The following CLTC variants were observed in gnomAD, a reference collection of about 807,000 sequenced individuals.
CLTC encodes clathrin heavy chain.
In CLTC, 16 loss-of-function variants were observed where a neutral mutation model predicts 195.8. That is an observed-to-expected ratio of 0.08 (90% CI 0.06 to 0.12). The LOEUF is 0.12. Ranked by LOEUF, CLTC falls within the 10% of genes least tolerant of loss-of-function variation. The pLI, the probability that CLTC is intolerant of heterozygous loss-of-function variation, is 1.00. For missense variants in CLTC, 796 were observed against 2,027.0 expected (o/e 0.39, Z 11.66); for synonymous variants, 667 against 689.4 (o/e 0.97, Z 0.51).
At chr17:59,641,099 CAG>C (rs1459776943) in intron 1 of CLTC, among the ~76,000 whole-genome samples, 1 of 140,578 alleles carries the variant, frequency 7.1e-6, no homozygotes, top group African/African-American at 2.5e-5. Flanking sequence ...AGCCTGGTGA[CAG>C]AGCGAGACTC....
chr17:59,694,103 C>A lies in CLTC; in HGVS notation c.*251C>A, dbSNP rs1381489864. ...TTTATTCACTTGGGCTTTTTTTCTT[C>A]CCCCTCTTTCTTTAAAGAACTGCTC... On this transcript the variant is annotated 3_prime_UTR_variant, in exon 32 of 32. Coordinates refer to ENST00000269122, the MANE Select transcript of CLTC (RefSeq NM_004859.4). The A allele has an allele frequency of 5.5e-5, 17 of 308,886 alleles. No individual in the cohort carries two copies. The East Asian group carries it at 9.2e-4, about 17-fold the overall frequency. 19.1% of individuals were successfully genotyped at this position (308,886 alleles called of 1,614,324 possible).
Position 59,655,838 on chromosome 17 carries a change from G to T in CLTC, c.796-16G>T. 1 of 1,512,126 alleles carries T rather than the reference G, an allele frequency of 6.6e-7. No individual in the cohort carries two copies. Among genetic ancestry groups the T allele is most frequent in the South Asian group, 1.4e-5 (1 of 72,706 alleles). 93.7% of individuals were successfully genotyped at this position (1,512,126 alleles called of 1,614,324 possible). ...AGATTCATTATTTTACTAAAGTGTT[G>T]ATTTTCTTTCTGTAGATCAGTGAAA... On this transcript the variant is annotated splice_polypyrimidine_tract_variant and intron_variant, in intron 5 of 31. Coordinates refer to ENST00000269122, the MANE Select transcript of CLTC (RefSeq NM_004859.4).
At chr17:59,650,550 C>T (rs1481447178) in intron 4 of CLTC, among the ~76,000 whole-genome samples, 10 of 147,052 alleles carry the variant, frequency 6.8e-5, no homozygotes, top group East Asian at 4.0e-4. Flanking sequence ...TGCAGTGGCA[C>T]GATCCCGGTT....
intron 14 of CLTC, among the ~76,000 whole-genome samples, chr17:59,672,415 G>A (rs532481747): frequency 1.1e-4 from 16 of 148,240 alleles, no homozygotes; most frequent in African/African-American, 3.9e-4. Flanking sequence ...TATTTTATAT[G>A]TGTATAGGTA....
intron 14 of CLTC, among the ~76,000 whole-genome samples, chr17:59,670,274 TG>T (rs1364309090): frequency 1.0e-4 from 6 of 57,408 alleles, no homozygotes; most frequent in Non-Finnish European, 2.5e-4. Context: ...CAGGGGGTGT[TG>T]GGTTTTTTTT....
At chr17:59,663,065 TAATC>T (rs1461965834) in intron 8 of CLTC, among the ~76,000 whole-genome samples, 1 of 152,226 alleles carries the variant, frequency 6.6e-6, no homozygotes, top group Non-Finnish European at 1.5e-5. Flanking sequence ...AAAGAGACAT[TAATC>T]AACTATTCAT....
rs1482891428 is a variant in CLTC, at chr17:59,680,901, A to G, written c.2920-11A>G. The G allele has an allele frequency of 2.5e-6, 4 of 1,600,210 alleles. No individual in the cohort carries two copies. Among genetic ancestry groups the G allele is most frequent in the Non-Finnish European group, 2.6e-6 (3 of 1,174,152 alleles). On this transcript the variant is annotated splice_polypyrimidine_tract_variant and intron_variant, in intron 18 of 31. Transcript: ENST00000269122. The stretch of plus-strand genomic sequence containing the variant: ...GATTCTCAGTACTTATGTCCCATAT[A>G]TCCTCTGTAGGTTGTACAAACAGCT...
At chr17:59,658,833 G>A (rs2032539551) in intron 6 of CLTC, 1 of 152,118 alleles carries the variant, frequency 6.6e-6, no homozygotes, top group African/African-American at 2.4e-5. Context: ...TTGGGGCTCA[G>A]GAATGCAAAT....
intron 1 of CLTC, among the ~76,000 whole-genome samples, chr17:59,638,419 C>G (rs966358013): frequency 6.6e-6 from 1 of 152,156 alleles, no homozygotes; most frequent in African/African-American, 2.4e-5. Context: ...CTTCACACCT[C>G]TGAGATAGAT....
chr17:59,674,627 G>A, intron 15 of CLTC, 74 bp from the exon 16 acceptor site: 1 of 1,359,692 alleles, frequency 7.4e-7, no homozygotes, highest in East Asian at 2.5e-5. Flanking sequence ...AAGCGATAGA[G>A]ATAAATGCTT....
intron 1 of CLTC, among the ~76,000 whole-genome samples, chr17:59,637,638 G>C (rs2031906518): frequency 6.8e-6 from 1 of 147,926 alleles, no homozygotes; most frequent in African/African-American, 2.5e-5. Context: ...TGAGGTGGGA[G>C]GATCCCTTAA....
chr17:59,620,292 G>T (rs2031327083), intron 1 of CLTC, 119 bp downstream of exon 1: 1 of 963,468 alleles, frequency 1.0e-6, no homozygotes, highest in Non-Finnish European at 1.7e-6. Context: ...GTCGGTGATT[G>T]GGGTAGGTGG....
At chr17:59,641,603 C>CAAAAAAAAAA (rs34208843) in intron 1 of CLTC, among the ~76,000 whole-genome samples, 2 of 48,848 alleles carry the variant, frequency 4.1e-5, no homozygotes, top group African/African-American at 9.1e-5. Context: ...GACTCCATCT[C>CAAAAAAAAAA]AAAAAAAAAA....
rs2143561523 is a variant in CLTC at position 59,668,947 on chromosome 17, G to A, written c.2292+7G>A. 2 of 1,604,052 alleles carry A rather than the reference G, an allele frequency of 1.2e-6. No individual in the cohort carries two copies. Among genetic ancestry groups the A allele is most frequent in the African/African-American group, 1.3e-5 (1 of 74,444 alleles). On this transcript the variant is annotated splice_region_variant and intron_variant, in intron 14 of 31. Coordinates refer to ENST00000269122, the MANE Select transcript of CLTC (RefSeq NM_004859.4). The stretch of plus-strand genomic sequence containing the variant: ...AGTCAAGAATTTTCTTAAGGTAAGT[G>A]GTTTTGAGTAATGTGTTTTCTGGTT...
chr17:59,683,075 T>A lies in CLTC; in HGVS notation c.3874-20T>A. 6.2e-7 allele frequency: 1 copy of A among 1,614,038 alleles called. No individual in the cohort carries two copies. Among genetic ancestry groups the A allele is most frequent in the Non-Finnish European group, 8.5e-7 (1 of 1,179,922 alleles). On this transcript the variant is annotated intron_variant, in intron 24 of 31. Coordinates refer to ENST00000269122, the MANE Select transcript of CLTC (RefSeq NM_004859.4). The surrounding 1 kb of genome is among the most constrained non-coding windows in gnomAD (Gnocchi z 6.1). ...TACCATAGATATTCTTATCTTTAAC[T>A]GCACATTTCTCTTGTTCAGGATCGT...
chr17:59,679,599 T>C, intron 18 of CLTC, 80 bp downstream of exon 18: 1 of 1,284,190 alleles, frequency 7.8e-7, no homozygotes, highest in South Asian at 1.9e-5. Flanking sequence ...TCCCTCATCA[T>C]GTACTCAAAT....
intron 14 of CLTC, among the ~76,000 whole-genome samples, chr17:59,671,959 G>A (rs1261713056): frequency 6.6e-6 from 1 of 152,110 alleles, no homozygotes; most frequent in Non-Finnish European, 1.5e-5. Flanking sequence ...CCACTAGAAT[G>A]TAAGTTCCTT....
intron 1 of CLTC, among the ~76,000 whole-genome samples, chr17:59,623,705 G>T (rs1253552183): frequency 1.3e-5 from 2 of 152,016 alleles, no homozygotes; most frequent in African/African-American, 4.8e-5. Context: ...ATTTAACAAG[G>T]TGTTTTCCCT....
In CLTC at chr17:59,666,083, T is replaced by C. The variant is rs746209473; in HGVS notation, c.1645-20T>C. The C allele has an allele frequency of 2.5e-6, 4 of 1,574,594 alleles. No individual in the cohort carries two copies. The South Asian group carries it at 4.5e-5, about 18-fold the overall frequency. On this transcript the variant is annotated intron_variant, in intron 10 of 31. Transcript: ENST00000269122. The surrounding 1 kb of genome is among the most constrained non-coding windows in gnomAD (Gnocchi z 4.9). ...CTCCATAGTATCTTAAAACAATTTC[T>C]TTTAAATCTTTTTTTGTAGATTGTA... is the stretch of plus-strand genomic sequence containing the variant.
Sources: gnomAD v4.1 joint callset for allele counts (sites outside exome capture counted in the v4.1 genomes callset) on GRCh38, gnomAD v4.1.1 for gene constraint, Gnocchi (gnomAD v3.1) non-coding constraint, MANE v1.5 for transcripts, NCBI Gene and HGNC (gene_info 2026-07-23, HGNC 2026-07-21) for gene names.